The following CHN2 variants were observed in gnomAD, a reference collection of about 807,000 sequenced individuals.
CHN2 encodes beta-chimaerin.
A neutral mutation model predicts 56.3 loss-of-function variants in CHN2; 35 were observed. The ratio of observed to expected loss-of-function variants is 0.62; its 90% CI spans 0.47 to 0.82. CHN2 has a LOEUF of 0.82. CHN2 is among the 40% of genes least tolerant of loss of function. The pLI, the probability that CHN2 is intolerant of heterozygous loss-of-function variation, is 0.00. For missense variants in CHN2, 491 were observed against 580.5 expected (o/e 0.85, Z 1.58); for synonymous variants, 210 against 212.8 (o/e 0.99, Z 0.12).
At chr7:29,166,159 T>A (rs1326738676) in intron 2 of CHN2, among the ~76,000 whole-genome samples, 2 of 152,086 alleles carry the variant, frequency 1.3e-5, no homozygotes. Flanking sequence ...CCCTCCCAAG[T>A]AGCTAGGACC....
intron 6 of CHN2, among the ~76,000 whole-genome samples, chr7:29,407,673 G>C (rs563425358): frequency 1.4e-4 from 21 of 152,224 alleles, no homozygotes; most frequent in Non-Finnish European, 3.1e-4. Flanking sequence ...CCGACTTGCT[G>C]CCCTTGCACG....
intron 6 of CHN2, among the ~76,000 whole-genome samples, chr7:29,452,800 T>C (rs1230384751): frequency 6.6e-6 from 1 of 152,208 alleles, no homozygotes; most frequent in African/African-American, 2.4e-5. Flanking sequence ...GGTGGTCTCA[T>C]TCATTCTGTC....
At chr7:29,384,227 G>GT (rs1025506419) in intron 3 of CHN2, among the ~76,000 whole-genome samples, 6 of 152,196 alleles carry the variant, frequency 3.9e-5, no homozygotes, top group Non-Finnish European at 5.9e-5. Context: ...CAACCCATCT[G>GT]TAACAGCAGA....
At chr7:29,214,879 G>A (rs1785221843) in intron 1 of CHN2, among the ~76,000 whole-genome samples, 1 of 152,070 alleles carries the variant, frequency 6.6e-6, no homozygotes, top group African/African-American at 2.4e-5. Flanking sequence ...CAGAGTGGAT[G>A]CCAGCCACCA....
intron 6 of CHN2, among the ~76,000 whole-genome samples, chr7:29,428,960 C>T (rs781529383): frequency 1.3e-5 from 2 of 152,044 alleles, no homozygotes; most frequent in Non-Finnish European, 2.9e-5. Context: ...CTCTTTGGGC[C>T]GCACTGGGGA....
chr7:29,446,549 G>A (rs147043844), intron 6 of CHN2, among the ~76,000 whole-genome samples: 78 of 152,282 alleles, frequency 5.1e-4, no homozygotes, highest in African/African-American at 1.8e-3. Flanking sequence ...GATGCAGGGA[G>A]GGAGAACTCA....
At chr7:29,273,353 A>ATATATATATATATATATGTG (rs1562881888) in intron 1 of CHN2, among the ~76,000 whole-genome samples, 6 of 63,364 alleles carry the variant, frequency 9.5e-5, no homozygotes, top group African/African-American at 1.5e-4. Context: ...GTATATATAT[A>ATATATATATATATATATGTG]TATATATATA....
chr7:29,511,008 GGAGGGATCAGGGCAC>G (rs1791284994), intron 12 of CHN2, among the ~76,000 whole-genome samples: 1 of 152,150 alleles, frequency 6.6e-6, no homozygotes, highest in South Asian at 2.1e-4. Flanking sequence ...TTATAACATT[GGAGGGATCAGGGCAC>G]ATCTGTGTGC....
At chr7:29,466,109 C>T (rs1261013260) in intron 6 of CHN2, among the ~76,000 whole-genome samples, 1 of 151,948 alleles carries the variant, frequency 6.6e-6, no homozygotes, top group Non-Finnish European at 1.5e-5. Context: ...GGCTGAGGCA[C>T]AAGAATCGCT....
At chr7:29,429,367 A>C (rs1805188842) in intron 6 of CHN2, among the ~76,000 whole-genome samples, 1 of 152,222 alleles carries the variant, frequency 6.6e-6, no homozygotes, top group Non-Finnish European at 1.5e-5. Context: ...AATAGTCTAT[A>C]AACATTTCTG....
intron 1 of CHN2, among the ~76,000 whole-genome samples, chr7:29,334,777 CA>C (rs1796490080): frequency 6.6e-6 from 1 of 152,030 alleles, no homozygotes; most frequent in South Asian, 2.1e-4. Context: ...CAAACAACAA[CA>C]AAAAAGGAAG....
intron 2 of CHN2, among the ~76,000 whole-genome samples, chr7:29,180,824 G>T (rs956957163): frequency 1.3e-5 from 2 of 152,122 alleles, no homozygotes; most frequent in African/African-American, 4.8e-5. Flanking sequence ...GACAAGACTC[G>T]TATCATCCGT....
At chr7:29,450,636 C>T (rs1784341295) in intron 6 of CHN2, among the ~76,000 whole-genome samples, 1 of 152,228 alleles carries the variant, frequency 6.6e-6, no homozygotes, top group Admixed American at 6.5e-5. Flanking sequence ...ATTCTTTTCA[C>T]ACCTCTGGCC....
At chr7:29,232,915 A>G (rs897094319) in intron 1 of CHN2, among the ~76,000 whole-genome samples, 1 of 152,212 alleles carries the variant, frequency 6.6e-6, no homozygotes, top group Non-Finnish European at 1.5e-5. Context: ...CCTCATGTGT[A>G]CATATTATGG....
intron 6 of CHN2, among the ~76,000 whole-genome samples, chr7:29,475,233 A>C (rs557676948): frequency 2.0e-4 from 31 of 152,142 alleles, no homozygotes; most frequent in Non-Finnish European, 4.0e-4. Context: ...TTTATTCATC[A>C]AAAAAAGAAG....
intron 6 of CHN2, among the ~76,000 whole-genome samples, chr7:29,442,063 G>A (rs762605782): frequency 4.6e-5 from 7 of 152,058 alleles, no homozygotes; most frequent in Non-Finnish European, 1.0e-4. Flanking sequence ...ATAAACAAAC[G>A]GTGGTATATA....
chr7:29,194,699 C>T (rs1004618480), upstream of CHN2: 4 of 401,662 alleles, frequency 1.0e-5, no homozygotes, highest in Non-Finnish European at 1.7e-5. Flanking sequence ...CCCCCTGACA[C>T]CCATAGAAAA....
intron 7 of CHN2, among the ~76,000 whole-genome samples, chr7:29,488,988 A>G (rs1436446304): frequency 6.6e-6 from 1 of 152,240 alleles, no homozygotes; most frequent in African/African-American, 2.4e-5. Flanking sequence ...GCTGATATTA[A>G]TACATCTGGG....
At chr7:29,388,232 T>C (rs1415566313) in intron 3 of CHN2, among the ~76,000 whole-genome samples, 1 of 152,214 alleles carries the variant, frequency 6.6e-6, no homozygotes, top group Non-Finnish European at 1.5e-5. Context: ...GCAGAAATCC[T>C]GGAAATAGGT....
Sources: allele counts gnomAD v4.1 joint callset (sites outside exome capture counted in the v4.1 genomes callset), GRCh38; gene constraint gnomAD v4.1.1; transcripts MANE v1.5; gene names NCBI Gene and HGNC (gene_info 2026-07-23, HGNC 2026-07-21).